PPP4R1: variants seen among roughly 807,000 people sequenced by gnomAD.
The protein encoded by PPP4R1 is serine/threonine-protein phosphatase 4 regulatory subunit 1.
Under a neutral mutation model 111.2 loss-of-function variants are expected in PPP4R1, and 42 were observed. The ratio of observed to expected loss-of-function variants is 0.38; its 90% CI spans 0.29 to 0.49. PPP4R1 has a LOEUF of 0.49. PPP4R1 is among the 20% of genes least tolerant of loss of function. The pLI, the probability that PPP4R1 is intolerant of heterozygous loss-of-function variation, is 0.97. For synonymous variants in PPP4R1, 409 were observed against 405.5 expected (o/e 1.01, Z -0.10); for missense variants, 1,012 against 1,161.6 (o/e 0.87, Z 1.87).
intron 15 of PPP4R1, among the ~76,000 whole-genome samples, chr18:9,556,193 TTTTG>T (rs2066580724): frequency 6.6e-6 from 1 of 150,472 alleles, no homozygotes; most frequent in Non-Finnish European, 1.5e-5. Flanking sequence ...GTCTCAATGT[TTTTG>T]TTTTTTACTT....
chr18:9,595,260 ATC>A, intron 2 of PPP4R1, 107 bp from the exon 3 acceptor site: 1 of 1,168,470 alleles, frequency 8.6e-7, no homozygotes. Flanking sequence ...CAAAAAAAAA[ATC>A]ACAAGAGACT....
rs1241666913 is a variant in PPP4R1, at chr18:9,547,160, A to G, written c.*629T>C. 6.5e-6 allele frequency: 1 copy of G among 152,716 alleles called. No homozygotes were observed. Among genetic ancestry groups the G allele is most frequent in the Non-Finnish European group, 1.5e-5 (1 of 68,096 alleles). The allele number at this position is 152,716 out of a possible 1,614,324, so 9.5% of individuals were successfully genotyped here. A position where few individuals can be genotyped will look rare whatever the true frequency, so the allele number is the denominator to read the frequency against. ...ACAGACACTCAGCAACCATTCTGTA[A>G]ATGTGTACAGCAATATGCTGCGCTT... On this transcript the variant is annotated 3_prime_UTR_variant, in exon 20 of 20. Coordinates refer to ENST00000400556, the MANE Select transcript of PPP4R1 (RefSeq NM_001042388.3).
chr18:9,578,792 C>T (rs1029682697), intron 9 of PPP4R1, among the ~76,000 whole-genome samples: 5 of 152,112 alleles, frequency 3.3e-5, no homozygotes, highest in African/African-American at 1.2e-4. Context: ...TTCTCCCCTT[C>T]GTAAGTCACT....
intron 11 of PPP4R1, among the ~76,000 whole-genome samples, chr18:9,565,812 G>C (rs2066755614): frequency 6.6e-6 from 1 of 152,222 alleles, no homozygotes; most frequent in South Asian, 2.1e-4. Flanking sequence ...TAACATAGAA[G>C]TGCAAGGTGA....
chr18:9,556,752 G>C (rs551925585), intron 15 of PPP4R1, among the ~76,000 whole-genome samples: 2 of 152,198 alleles, frequency 1.3e-5, no homozygotes, highest in South Asian at 2.1e-4. Context: ...AACAACAGGG[G>C]TTTGAACTGC....
At chr18:9,561,261 T>A (rs1415711143) in intron 13 of PPP4R1, among the ~76,000 whole-genome samples, 1 of 137,210 alleles carries the variant, frequency 7.3e-6, no homozygotes, top group African/African-American at 2.8e-5. Context: ...ATAATAATAA[T>A]AAAGTCATAG....
intron 11 of PPP4R1, among the ~76,000 whole-genome samples, chr18:9,569,396 G>A (rs555649167): frequency 1.3e-4 from 20 of 152,236 alleles, no homozygotes; most frequent in African/African-American, 4.8e-4. Flanking sequence ...CTGTCGCCCA[G>A]GCTGCAGTGC....
intron 6 of PPP4R1, among the ~76,000 whole-genome samples, chr18:9,586,038 A>C (rs913822968): frequency 2.0e-5 from 3 of 152,136 alleles, no homozygotes; most frequent in Non-Finnish European, 4.4e-5. Context: ...TTTTTGAATA[A>C]GCATCTCCAT....
chr18:9,548,608 A>G (rs2066437663), intron 19 of PPP4R1, among the ~76,000 whole-genome samples: 1 of 152,142 alleles, frequency 6.6e-6, no homozygotes, highest in Admixed American at 6.5e-5. Flanking sequence ...CATAAAAACA[A>G]CACCCAAGTT....
chr18:9,603,868 TA>T (rs1382607662), intron 2 of PPP4R1, among the ~76,000 whole-genome samples: 5 of 152,030 alleles, frequency 3.3e-5, no homozygotes, highest in Non-Finnish European at 5.9e-5. Context: ...AATATGAAAA[TA>T]CATCAAGGTA....
chr18:9,614,178 G>C lies in PPP4R1; in HGVS notation c.52+48C>G, dbSNP rs1257712391. On this transcript the variant is annotated intron_variant, in intron 2 of 19. Transcript: ENST00000400556. This position sits in a 1 kb window ranked among gnomAD's most constrained non-coding sequence, Gnocchi z 4.1. The stretch of plus-strand genomic sequence containing the variant: ...GGCCTCGCCGCCGCCCGCCCTCCCC[G>C]GCCGCTCCCCGCGGACTGCCAGGCC... 1 of 1,306,552 alleles carries C rather than the reference G, an allele frequency of 7.7e-7. No individual in the cohort carries two copies. The allele number at this position is 1,306,552 out of a possible 1,614,324, so 80.9% of individuals were successfully genotyped here.
At position 9,549,269 on chromosome 18, in the gene PPP4R1, A is replaced by G. The variant is rs1023023704; in HGVS notation, c.2617T>C (p.Leu873=). 8.1e-6 allele frequency: 13 copies of G among 1,613,890 alleles called. No individual in the cohort carries two copies. The highest frequency in any genetic ancestry group is 1.1e-5 in the Non-Finnish European group (13 of 1,179,872). Residue 873 remains leucine (L), a synonymous_variant, in exon 19 of 20, where the codon TTA becomes CTA. Coordinates refer to ENST00000400556, the MANE Select transcript of PPP4R1 (RefSeq NM_001042388.3). ...ACGTTAGGAACCCTGTCATTTGCTA[A>G]GGTTAGCAGATGCGGCATGAGATGC... The part of the protein sequence containing the change: ...AVHLMPHLLT[L]ANDRVPNVRV...
intron 16 of PPP4R1, among the ~76,000 whole-genome samples, chr18:9,552,714 T>G (rs1333857156): frequency 6.6e-6 from 1 of 152,184 alleles, no homozygotes; most frequent in African/African-American, 2.4e-5. Flanking sequence ...TAAACGTTCC[T>G]AGCAGCACTA....
At chr18:9,559,222 A>G (rs62087427) in intron 14 of PPP4R1, among the ~76,000 whole-genome samples, 197 bp downstream of exon 14, 15,072 of 152,300 alleles carry the variant, frequency 0.099, 775 homozygotes, top group African/African-American at 0.12. Flanking sequence ...TTAGATAAAA[A>G]TGAAGAAGCC....
In PPP4R1 at chr18:9,547,052, C is replaced by G. The variant is rs1221975480; in HGVS notation, c.*737G>C. 6.6e-6 allele frequency: 1 copy of G among 152,606 alleles called. No individual in the cohort carries two copies. Among genetic ancestry groups the G allele is most frequent in the East Asian group, 1.9e-4 (1 of 5,198 alleles). 9.5% of individuals were successfully genotyped at this position (152,606 alleles called of 1,614,324 possible). A position where few individuals can be genotyped will look rare whatever the true frequency, so the allele number is the denominator to read the frequency against. Reference sequence around the variant, plus strand: ...GAAGAAGTTGCACCTCAGAGCTGATCATGATCAAGTTAAAAACACCAGACA... The same window carrying G: ...GAAGAAGTTGCACCTCAGAGCTGATGATGATCAAGTTAAAAACACCAGACA... On this transcript the variant is annotated 3_prime_UTR_variant, in exon 20 of 20. Coordinates refer to ENST00000400556, the MANE Select transcript of PPP4R1 (RefSeq NM_001042388.3).
At chr18:9,551,563 C>T (rs1027474420) in intron 16 of PPP4R1, 3 of 152,286 alleles carry the variant, frequency 2.0e-5, no homozygotes, top group African/African-American at 7.2e-5. Context: ...AGAGATGTCT[C>T]ATAGCAGGCA....
At chr18:9,560,275 T>A (rs2066652131) in intron 13 of PPP4R1, among the ~76,000 whole-genome samples, 1 of 151,906 alleles carries the variant, frequency 6.6e-6, no homozygotes, top group South Asian at 2.1e-4. Flanking sequence ...AGTGAGACTC[T>A]GTCTCAAAAC....
intron 3 of PPP4R1, 187 bp from the exon 4 acceptor site, chr18:9,594,061 G>A: frequency 5.8e-6 from 3 of 518,252 alleles, no homozygotes; most frequent in East Asian, 6.8e-5. Context: ...CTGAGTAGCT[G>A]AGACTACAGG....
chr18:9,595,719 T>G (rs2067280009), intron 2 of PPP4R1, among the ~76,000 whole-genome samples: 1 of 152,156 alleles, frequency 6.6e-6, no homozygotes, highest in African/African-American at 2.4e-5. Context: ...CAATCTACTT[T>G]AAAATGATCA....
Sources: allele counts gnomAD v4.1 joint callset (sites outside exome capture counted in the v4.1 genomes callset), GRCh38; gene constraint gnomAD v4.1.1; non-coding constraint Gnocchi (gnomAD v3.1); transcripts MANE v1.5; gene names NCBI Gene and HGNC (gene_info 2026-07-23, HGNC 2026-07-21).